FUT8: variants seen among roughly 807,000 people sequenced by gnomAD.
FUT8 encodes fucosyltransferase 8.
FUT8 carries 29 observed loss-of-function variants against 71.3 expected under a neutral mutation model. The ratio of observed to expected loss-of-function variants is 0.41; its 90% CI spans 0.30 to 0.55. The LOEUF (loss-of-function observed/expected upper bound fraction) is 0.55, where lower values mean the gene tolerates loss of function less well. FUT8 is among the 20% of genes least tolerant of loss of function. The pLI is 0.34. For synonymous variants in FUT8, 254 were observed against 239.3 expected (o/e 1.06, Z -0.57); for missense variants, 544 against 702.1 (o/e 0.77, Z 2.55).
intron 1 of FUT8, among the ~76,000 whole-genome samples, chr14:65,437,395 T>G (rs2065577946): frequency 6.6e-6 from 1 of 152,180 alleles, no homozygotes; most frequent in Non-Finnish European, 1.5e-5. Flanking sequence ...TTGTTTTTAT[T>G]TTGTATTTAA....
intron 2 of FUT8, among the ~76,000 whole-genome samples, chr14:65,473,657 TACTC>T (rs1454559969): frequency 1.3e-5 from 2 of 152,248 alleles, no homozygotes; most frequent in East Asian, 3.8e-4. Flanking sequence ...TGTAATATTT[TACTC>T]ACAAATTGAA....
intron 3 of FUT8, among the ~76,000 whole-genome samples, chr14:65,568,286 GT>G (rs552115126): frequency 6.6e-6 from 1 of 151,046 alleles, no homozygotes; most frequent in Non-Finnish European, 1.5e-5. Flanking sequence ...CTTAATATTG[GT>G]TGTGTTTTCT....
In FUT8 at chr14:65,726,304, A is replaced by G. The variant is rs902625055; in HGVS notation, c.1259+1981A>G. On this transcript the variant is annotated intron_variant, in intron 9 of 10. Coordinates refer to ENST00000673929, the MANE Select transcript of FUT8 (RefSeq NM_001371533.1). ...GAGCAAATTAATTCATGCTCACTTA[A>G]AAATATGCAAGTTGGTAAATACCCT... Among the ~76,000 whole-genome samples, 7 of 152,344 alleles carry G rather than the reference A, an allele frequency of 4.6e-5. No homozygotes were observed. In the East Asian group the frequency reaches 1.3e-3, roughly 29 times the overall value.
At chr14:65,409,881 C>A (rs2065104513), upstream of FUT8, among the ~76,000 whole-genome samples, 1 of 152,096 alleles carries the variant, frequency 6.6e-6, no homozygotes, top group South Asian at 2.1e-4. This position sits in a 1 kb window ranked among gnomAD's most constrained non-coding sequence, Gnocchi z 5.4. Flanking sequence ...TTGGGATAAG[C>A]AAAGATGGGT....
chr14:65,691,467 A>G (rs1369944679), intron 7 of FUT8, among the ~76,000 whole-genome samples: 2 of 151,830 alleles, frequency 1.3e-5, no homozygotes, highest in Non-Finnish European at 2.9e-5. Flanking sequence ...CTTTTCTTGC[A>G]TCTATTGATA....
At chr14:65,523,312 C>A (rs1463093934) in intron 2 of FUT8, among the ~76,000 whole-genome samples, 2 of 152,210 alleles carry the variant, frequency 1.3e-5, no homozygotes, top group African/African-American at 2.4e-5. Flanking sequence ...ATTTGCATTT[C>A]TCTGATGGCC....
intron 7 of FUT8, among the ~76,000 whole-genome samples, chr14:65,689,478 G>A (rs1324562876): frequency 6.6e-6 from 1 of 152,132 alleles, no homozygotes; most frequent in Non-Finnish European, 1.5e-5. Flanking sequence ...TCTTTCATCT[G>A]TGGGTTTTCA....
chr14:65,739,714 TC>T (rs1896396898), intron 10 of FUT8, among the ~76,000 whole-genome samples: 1 of 152,006 alleles, frequency 6.6e-6, no homozygotes. Flanking sequence ...GCTATATCTT[TC>T]TGGTGTTACA....
At chr14:65,375,551 G>A in the FUT8 span, among the ~76,000 whole-genome samples, 3 of 152,236 alleles carry the variant, frequency 2.0e-5, no homozygotes, top group Non-Finnish European at 2.9e-5. Flanking sequence ...AGCCCAGAAT[G>A]TTGAGGCTGC....
At chr14:65,532,851 C>T (rs545507304) in intron 2 of FUT8, among the ~76,000 whole-genome samples, 9 of 152,272 alleles carry the variant, frequency 5.9e-5, no homozygotes, top group South Asian at 4.1e-4. Flanking sequence ...CTTCTGCATA[C>T]GGCTAGCCGG....
chr14:65,585,379 A>T (rs1436627154), intron 3 of FUT8, among the ~76,000 whole-genome samples: 1 of 152,032 alleles, frequency 6.6e-6, no homozygotes, highest in Non-Finnish European at 1.5e-5. Context: ...TACAGGCAGG[A>T]TCTTGCCATG....
At chr14:65,393,721 A>T in the FUT8 span, among the ~76,000 whole-genome samples, 3 of 152,220 alleles carry the variant, frequency 2.0e-5, no homozygotes, top group Admixed American at 2.0e-4. Flanking sequence ...ATCATGTGGG[A>T]GGGGGACTAG....
intron 2 of FUT8, among the ~76,000 whole-genome samples, chr14:65,513,866 T>C (rs1178941080): frequency 1.3e-5 from 2 of 152,194 alleles, no homozygotes; most frequent in Admixed American, 6.5e-5. Context: ...ATATCCATCA[T>C]GTAATATGAA....
intron 5 of FUT8, among the ~76,000 whole-genome samples, chr14:65,629,010 G>A (rs1890035897): frequency 6.6e-6 from 1 of 152,112 alleles, no homozygotes; most frequent in South Asian, 2.1e-4. Flanking sequence ...GCTGACCCTT[G>A]GTTTATACTG....
At chr14:65,535,123 A>G (rs1350616399) in intron 2 of FUT8, among the ~76,000 whole-genome samples, 1 of 150,450 alleles carries the variant, frequency 6.6e-6, no homozygotes, top group Non-Finnish European at 1.5e-5. Flanking sequence ...TTTTTTTGAG[A>G]CAGTCTCGCT....
chr14:65,676,929 G>A (rs1438433996), intron 7 of FUT8, among the ~76,000 whole-genome samples: 1 of 152,100 alleles, frequency 6.6e-6, no homozygotes, highest in East Asian at 1.9e-4. Flanking sequence ...ATGTGAATCT[G>A]TAATTTCTTT....
chr14:65,669,245 T>C lies in FUT8; in HGVS notation c.600T>C (p.Asn200=). 4 of 1,611,546 alleles carry C rather than the reference T, an allele frequency of 2.5e-6. No individual in the cohort carries two copies. Among genetic ancestry groups the C allele is most frequent in the Non-Finnish European group, 3.4e-6 (4 of 1,178,284 alleles). ...TCATTTCTCTTTCTCCCTGACAGAATCCCAAGGACTGCAGCAAAGCCAAAA... is the reference window on the plus strand; with the variant it reads ...TCATTTCTCTTTCTCCCTGACAGAACCCCAAGGACTGCAGCAAAGCCAAAA... ...LVQRRITYLQ[N]PKDCSKAKKL... The change falls in exon 7 of 11, where the codon AAT becomes AAC. Residue 200 remains asparagine, a splice_region_variant and synonymous_variant. Transcript: ENST00000673929. This position sits in a 1 kb window ranked among gnomAD's most constrained non-coding sequence, Gnocchi z 4.5.
At chr14:65,595,902 C>T (rs190658667) in intron 3 of FUT8, among the ~76,000 whole-genome samples, 41 of 152,320 alleles carry the variant, frequency 2.7e-4, no homozygotes, top group African/African-American at 7.7e-4. Context: ...AGCCACCACG[C>T]GCGGCCCACA....
At chr14:65,562,021 TTC>T (rs1353583922) in intron 3 of FUT8, among the ~76,000 whole-genome samples, 2 of 152,124 alleles carry the variant, frequency 1.3e-5, no homozygotes, top group Non-Finnish European at 2.9e-5. Flanking sequence ...TCTTAAAACA[TTC>T]TGAGATTTTT....
Sources: gnomAD v4.1 joint callset for allele counts (sites outside exome capture counted in the v4.1 genomes callset) on GRCh38, gnomAD v4.1.1 for gene constraint, Gnocchi (gnomAD v3.1) non-coding constraint, MANE v1.5 for transcripts, NCBI Gene and HGNC (gene_info 2026-07-23, HGNC 2026-07-21) for gene names.